The following TICAM1 variants were observed in gnomAD, a reference collection of about 807,000 sequenced individuals.
TICAM1 encodes the protein TIR domain-containing adapter molecule 1.
For missense variants in TICAM1, 895 were observed against 938.2 expected (o/e 0.95, Z 0.60); for synonymous variants, 439 against 415.4 (o/e 1.06, Z -0.69).
At chr19:4,819,789 C>A (rs1313134034) in intron 1 of TICAM1, among the ~76,000 whole-genome samples, 1 of 151,978 alleles carries the variant, frequency 6.6e-6, no homozygotes, top group East Asian at 1.9e-4. Flanking sequence ...GCAGGAGAAT[C>A]GCTTGAATCC....
At position 4,817,892 on chromosome 19, in the gene TICAM1, C is replaced by T; in HGVS notation, c.486G>A (p.Leu162=). The T allele has an allele frequency of 6.2e-7, 1 of 1,613,872 alleles. No homozygotes were observed. Among genetic ancestry groups the T allele is most frequent in the Non-Finnish European group, 8.5e-7 (1 of 1,179,988 alleles). Residue 162 remains leucine, a synonymous_variant, in exon 2 of 2, where the codon CTG becomes CTA. Transcript: ENST00000248244. The surrounding 1 kb of genome is among the most constrained non-coding windows in gnomAD (Gnocchi z 4.7). ...PGSIRTLQSN[L]GCLPPSSALP... ...AAGCCGAGGATGGTGGGAGGCAGCC[C>T]AGATTGGACTGGAGCGTCCGGATGC...
intron 1 of TICAM1, among the ~76,000 whole-genome samples, chr19:4,824,300 T>C (rs989433101): frequency 5.3e-5 from 8 of 150,234 alleles, no homozygotes; most frequent in African/African-American, 2.0e-4. Flanking sequence ...TGAGCCACCA[T>C]GCCTGGCTTG....
At chr19:4,822,541 C>T (rs1054146270) in intron 1 of TICAM1, among the ~76,000 whole-genome samples, 1 of 152,232 alleles carries the variant, frequency 6.6e-6, no homozygotes, top group Admixed American at 6.5e-5. Flanking sequence ...CTACACCCAG[C>T]CAATTGCTTT....
In TICAM1 at chr19:4,817,684, C is replaced by G; in HGVS notation, c.694G>C (p.Asp232His). The G allele has an allele frequency of 6.3e-7, 1 of 1,587,024 alleles. No individual in the cohort carries two copies. The change falls in exon 2 of 2, where the codon GAC becomes CAC. Residue 232 changes from aspartate to histidine, a missense_variant. Physicochemically the swap from Asp to His is moderately conservative, Grantham distance 81 (BLOSUM62 -1). Transcript: ENST00000248244. The surrounding 1 kb of genome is among the most constrained non-coding windows in gnomAD (Gnocchi z 4.7). ...RSPHGPSKLC[D>H]DPQASLVPEP... Reference sequence around the variant, plus strand: ...GGCACCAAGCTGGCCTGGGGGTCGTCACAGAGCTTGCTGGGCCCATGTGGG... The same window carrying G: ...GGCACCAAGCTGGCCTGGGGGTCGTGACAGAGCTTGCTGGGCCCATGTGGG...
In TICAM1 at chr19:4,818,263, C is replaced by T; in HGVS notation, c.115G>A (p.Gly39Arg). 2 of 1,613,176 alleles carry T rather than the reference C, an allele frequency of 1.2e-6. No individual in the cohort carries two copies. The highest frequency in any genetic ancestry group is 1.7e-6 in the Non-Finnish European group (2 of 1,180,014). The stretch of plus-strand genomic sequence containing the variant: ...ACCATGGCATGCAGGAGGTCCTGCC[C>T]CTGGCAGCCTGGGCGTGGGGTCTTC... Reference protein sequence around the residue: ...KLKTPRPGCQGQDLLHAMVLL... With the variant: ...KLKTPRPGCQRQDLLHAMVLL... Residue 39 changes from glycine to arginine, a missense_variant, in exon 2 of 2, where the codon GGG becomes AGG. Coordinates refer to ENST00000248244, the MANE Select transcript of TICAM1 (RefSeq NM_182919.4). This position sits in a 1 kb window ranked among gnomAD's most constrained non-coding sequence, Gnocchi z 4.0.
chr19:4,816,060 G>A lies in TICAM1; in HGVS notation c.*179C>T. 3 of 936,556 alleles carry A rather than the reference G, an allele frequency of 3.2e-6. No homozygotes were observed. The highest frequency in any genetic ancestry group is 4.2e-6 in the Non-Finnish European group (3 of 711,360). 58.0% of individuals were successfully genotyped at this position (936,556 alleles called of 1,614,324 possible). On this transcript the variant is annotated 3_prime_UTR_variant, in exon 2 of 2. Transcript: ENST00000248244. The surrounding 1 kb of genome is among the most constrained non-coding windows in gnomAD (Gnocchi z 4.3). The stretch of plus-strand genomic sequence containing the variant: ...CCAGTTCTGACCACCCTGAAAGCCA[G>A]GGCATCATCGCGCCCGTTTTGTCCT...
At position 4,816,373 on chromosome 19, in the gene TICAM1, C is replaced by T. The variant is rs1464382188; in HGVS notation, c.2005G>A (p.Ala669Thr). Residue 669 changes from alanine (A) to threonine (T), a missense_variant, in exon 2 of 2, where the codon GCA becomes ACA. Coordinates refer to ENST00000248244, the MANE Select transcript of TICAM1 (RefSeq NM_182919.4). This position sits in a 1 kb window ranked among gnomAD's most constrained non-coding sequence, Gnocchi z 4.3. Reference sequence around the variant, plus strand: ...TGCAGCCCTGGGCTCTGAGGGGGTGCGGGTGAGGCCGTAGGGAAGGCTGGG... The same window carrying T: ...TGCAGCCCTGGGCTCTGAGGGGGTGTGGGTGAGGCCGTAGGGAAGGCTGGG... ...QSPAFPTASPAPPQSPGLQPL... is the reference protein window; with the variant it reads ...QSPAFPTASPTPPQSPGLQPL... The T allele has an allele frequency of 2.5e-6, 4 of 1,585,882 alleles. No homozygotes were observed. The highest frequency in any genetic ancestry group is 1.8e-5 in the Admixed American group (1 of 55,394).
At position 4,816,508 on chromosome 19, in the gene TICAM1, A is replaced by T; in HGVS notation, c.1870T>A (p.Trp624Arg). 6.3e-7 allele frequency: 1 copy of T among 1,587,028 alleles called. No individual in the cohort carries two copies. Among genetic ancestry groups the T allele is most frequent in the Non-Finnish European group, 8.6e-7 (1 of 1,167,934 alleles). The change falls in exon 2 of 2, where the codon TGG becomes AGG. Residue 624 changes from tryptophan (W) to arginine (R), a missense_variant. Physicochemically the swap from Trp to Arg is moderately radical, Grantham distance 101. Transcript: ENST00000248244. This position sits in a 1 kb window ranked among gnomAD's most constrained non-coding sequence, Gnocchi z 4.3. The stretch of plus-strand genomic sequence containing the variant: ...GGTGGCGGCTGCGGGCACCCCGGCC[A>T]AGTGGGAAAGGGTGGCGGGGCTCCC... ...PLGAPPPFPTWPGCPQPPPLH... is the reference protein window; with the variant it reads ...PLGAPPPFPTRPGCPQPPPLH...
chr19:4,826,854 C>T (rs145110097), intron 1 of TICAM1, among the ~76,000 whole-genome samples: 2 of 152,094 alleles, frequency 1.3e-5, no homozygotes, highest in South Asian at 2.1e-4. Flanking sequence ...TCAGATTTAA[C>T]ACAGACTCCA....
At chr19:4,831,450 T>C (rs541739474) in intron 1 of TICAM1, among the ~76,000 whole-genome samples, 164 bp downstream of exon 1, 2 of 151,934 alleles carry the variant, frequency 1.3e-5, no homozygotes, top group Non-Finnish European at 2.9e-5. Context: ...GAGGGGAACG[T>C]CAACCTCCCA....
chr19:4,828,556 C>T lies in TICAM1; in HGVS notation c.-140+3058G>A, dbSNP rs568576193. ...ATATACATATATATATTTTTTGAGACGGAGTCCCACTTTGTCGCCCAGGCT... is the reference window on the plus strand; with the variant it reads ...ATATACATATATATATTTTTTGAGATGGAGTCCCACTTTGTCGCCCAGGCT... On this transcript the variant is annotated intron_variant, in intron 1 of 1. Transcript: ENST00000248244. Among the ~76,000 whole-genome samples, 37 of 151,696 alleles carry T rather than the reference C, an allele frequency of 2.4e-4. No homozygotes were observed. In the South Asian group the frequency reaches 3.1e-3, roughly 13 times the overall value.
At chr19:4,823,707 A>G (rs2093601490) in intron 1 of TICAM1, among the ~76,000 whole-genome samples, 1 of 152,146 alleles carries the variant, frequency 6.6e-6, no homozygotes. Context: ...TGATGTGAGG[A>G]GACCCAGGGA....
rs774006618 is a variant in TICAM1 at position 4,818,309 on chromosome 19, G to C, written c.69C>G (p.Leu23=). 9 of 1,612,736 alleles carry C rather than the reference G, an allele frequency of 5.6e-6. No individual in the cohort carries two copies. In the South Asian group the frequency reaches 9.9e-5, roughly 18 times the overall value. Residue 23 remains leucine, a synonymous_variant, in exon 2 of 2, where the codon CTC becomes CTG. Coordinates refer to ENST00000248244, the MANE Select transcript of TICAM1 (RefSeq NM_182919.4). The surrounding 1 kb of genome is among the most constrained non-coding windows in gnomAD (Gnocchi z 4.0). ...DILGAAGQDK[L]LYLKHKLKTP... is the part of the protein sequence containing the mutation. ...TCTTCAGTTTGTGCTTCAGATACAA[G>C]AGCTTGTCCTGGCCTGCTGCACCTA... is the stretch of plus-strand genomic sequence containing the variant.
Position 4,815,979 on chromosome 19 carries a change from C to A in TICAM1, c.*260G>T. ...TAATTAAAAGACCGTAGCAATACCC[C>A]CACCACCAAGACCCTTCACCCAGAA... On this transcript the variant is annotated 3_prime_UTR_variant, in exon 2 of 2. Transcript: ENST00000248244. 1 of 386,060 alleles carries A rather than the reference C, an allele frequency of 2.6e-6. No homozygotes were observed. The highest frequency in any genetic ancestry group is 4.5e-6 in the Non-Finnish European group (1 of 222,658). 23.9% of individuals were successfully genotyped at this position (386,060 alleles called of 1,614,324 possible). A position where few individuals can be genotyped will look rare whatever the true frequency, so the allele number is the denominator to read the frequency against.
At position 4,818,565 on chromosome 19, in the gene TICAM1, C is replaced by T. The variant is rs77905185; in HGVS notation, c.-139-49G>A. 1.1e-3 allele frequency: 1,469 copies of T among 1,284,032 alleles called. 15 individuals are homozygous for T. In the African/African-American group the frequency reaches 0.019, roughly 17 times the overall value. The allele number at this position is 1,284,032 out of a possible 1,614,324, so 79.5% of individuals were successfully genotyped here. A position where few individuals can be genotyped will look rare whatever the true frequency, so the allele number is the denominator to read the frequency against. ...CACACTTACCCCCAAGAAAGGTCAG[C>T]ACGGGAAGGCGGCCCACACACCCCC... On this transcript the variant is annotated intron_variant, in intron 1 of 1. Coordinates refer to ENST00000248244, the MANE Select transcript of TICAM1 (RefSeq NM_182919.4). This position sits in a 1 kb window ranked among gnomAD's most constrained non-coding sequence, Gnocchi z 4.0.
chr19:4,820,711 T>C (rs2093595853), intron 1 of TICAM1, among the ~76,000 whole-genome samples: 1 of 146,068 alleles, frequency 6.8e-6, no homozygotes, highest in Non-Finnish European at 1.5e-5. Flanking sequence ...AAAAGAAAAA[T>C]AAAAAAAATA....
intron 1 of TICAM1, among the ~76,000 whole-genome samples, chr19:4,819,789 C>T (rs1313134034): frequency 6.6e-6 from 1 of 151,978 alleles, no homozygotes; most frequent in African/African-American, 2.4e-5. Context: ...GCAGGAGAAT[C>T]GCTTGAATCC....
At chr19:4,829,322 T>G (rs1035430830) in intron 1 of TICAM1, among the ~76,000 whole-genome samples, 1 of 143,394 alleles carries the variant, frequency 7.0e-6, no homozygotes, top group Admixed American at 7.2e-5. Context: ...TAAAATCACG[T>G]GGTCTTTCTT....
intron 1 of TICAM1, among the ~76,000 whole-genome samples, chr19:4,821,279 G>A (rs2093597020): frequency 6.6e-6 from 1 of 152,046 alleles, no homozygotes. Context: ...AGGAAAAACA[G>A]CAATGGACTC....
Sources: gnomAD v4.1 joint callset for allele counts (sites outside exome capture counted in the v4.1 genomes callset) on GRCh38, gnomAD v4.1.1 for gene constraint, Gnocchi (gnomAD v3.1) non-coding constraint, MANE v1.5 for transcripts, NCBI Gene and HGNC (gene_info 2026-07-23, HGNC 2026-07-21) for gene names.